Variants in EPS15 observed in about 807,000 individuals in gnomAD.
The protein encoded by EPS15 is epidermal growth factor receptor substrate 15.
In EPS15, 72 loss-of-function variants were observed where a neutral mutation model predicts 113.8. The observed-to-expected ratio is 0.63, with a 90% CI of 0.52 to 0.77. The LOEUF (loss-of-function observed/expected upper bound fraction) is 0.77. Ranked by LOEUF, EPS15 falls within the 30% of genes least tolerant of loss-of-function variation. The probability of loss-of-function intolerance (pLI) is 0.00; values close to 1 mark genes in which losing one functional copy is unlikely to be tolerated. For missense variants in EPS15, 1,048 were observed against 1,045.8 expected (o/e 1.00, Z -0.03); for synonymous variants, 344 against 363.4 (o/e 0.95, Z 0.61).
At chr1:51,397,194 G>A (rs1036456170) in intron 20 of EPS15, 8 of 152,188 alleles carry the variant, frequency 5.3e-5, no homozygotes, top group Non-Finnish European at 7.4e-5. Flanking sequence ...CTTAACCTAC[G>A]TAAACCTCAT....
At chr1:51,447,418 T>C (rs1272785072) in intron 9 of EPS15, among the ~76,000 whole-genome samples, 1 of 152,218 alleles carries the variant, frequency 6.6e-6, no homozygotes, top group Non-Finnish European at 1.5e-5. Context: ...TGAAAGTCTG[T>C]ATAAACAAAA....
intron 2 of EPS15, among the ~76,000 whole-genome samples, chr1:51,473,200 G>C (rs1449836058): frequency 6.6e-6 from 1 of 152,146 alleles, no homozygotes; most frequent in Non-Finnish European, 1.5e-5. Flanking sequence ...GAAGCTCAGA[G>C]GATTGTCAAA....
intron 1 of EPS15, among the ~76,000 whole-genome samples, chr1:51,518,121 C>T (rs1343610054): frequency 6.6e-6 from 1 of 152,076 alleles, no homozygotes. Flanking sequence ...TCTGAGGAGA[C>T]GCGGGGGAGA....
chr1:51,367,796 G>GA (rs1646540248), intron 21 of EPS15, among the ~76,000 whole-genome samples: 4 of 152,282 alleles, frequency 2.6e-5, no homozygotes, highest in African/African-American at 9.6e-5. Context: ...GGAAGGCAAG[G>GA]AAAGAACTGC....
rs748368835 is a variant in EPS15, at chr1:51,365,943, T to G, written c.2196+10A>C. On this transcript the variant is annotated intron_variant, in intron 22 of 24. Coordinates refer to ENST00000371733, the MANE Select transcript of EPS15 (RefSeq NM_001981.3). Reference sequence around the variant, plus strand: ...TATGTTTTCCCTTCCCATTAATTACTGTAGATTACCTTTGACAATGTGCTG... The same window carrying G: ...TATGTTTTCCCTTCCCATTAATTACGGTAGATTACCTTTGACAATGTGCTG... The G allele has an allele frequency of 5.1e-6, 8 of 1,574,220 alleles. No individual in the cohort carries two copies. The East Asian group carries it at 1.8e-4, about 35-fold the overall frequency.
At chr1:51,458,730 C>T in intron 8 of EPS15, 1 of 216,174 alleles carries the variant, frequency 4.6e-6, no homozygotes. Flanking sequence ...GAGTGAGACT[C>T]CGTCTAAAAA....
At position 51,445,037 on chromosome 1, in the gene EPS15, CATA is replaced by C; in HGVS notation, c.803_805del (p.Leu268del). Reference sequence around the variant, plus strand: ...AAGCTTCCCACAGTCCTTTGTGTCGCATAATGACCTGCACAAATAAACAAAATG... The same window carrying C: ...AAGCTTCCCACAGTCCTTTGTGTCGCATGACCTGCACAAATAAACAAAATG... On this transcript the variant is annotated inframe_deletion, in exon 11 of 25. Transcript: ENST00000371733. 2 of 1,612,938 alleles carry C rather than the reference CATA, an allele frequency of 1.2e-6. No homozygotes were observed. Among genetic ancestry groups the C allele is most frequent in the Non-Finnish European group, 1.7e-6 (2 of 1,179,450 alleles).
intron 24 of EPS15, among the ~76,000 whole-genome samples, chr1:51,358,253 C>T (rs545318509): frequency 1.3e-5 from 2 of 152,112 alleles, no homozygotes; most frequent in East Asian, 1.9e-4. Context: ...ATCATACCAC[C>T]GCTCTCCAGC....
intron 21 of EPS15, among the ~76,000 whole-genome samples, chr1:51,378,314 T>C (rs759937148): frequency 1.1e-4 from 17 of 152,168 alleles, no homozygotes; most frequent in South Asian, 2.1e-4. Context: ...AACTTTTATA[T>C]GTGACTTCTT....
chr1:51,371,590 T>C (rs1388438057), intron 21 of EPS15, among the ~76,000 whole-genome samples: 2 of 152,034 alleles, frequency 1.3e-5, no homozygotes, highest in African/African-American at 4.8e-5. Context: ...TACAGCTGTA[T>C]AGTGTTTTAA....
At chr1:51,411,071 A>G (rs1649675342) in intron 13 of EPS15, among the ~76,000 whole-genome samples, 1 of 152,244 alleles carries the variant, frequency 6.6e-6, no homozygotes, top group African/African-American at 2.4e-5. Flanking sequence ...CTTAACCACC[A>G]TGTGACATAC....
At chr1:51,501,238 C>T (rs528608867) in intron 1 of EPS15, among the ~76,000 whole-genome samples, 30 of 151,224 alleles carry the variant, frequency 2.0e-4, no homozygotes, top group Non-Finnish European at 3.8e-4. Flanking sequence ...GGAAACCCGT[C>T]TCCACTAAAA....
chr1:51,493,325 C>T (rs554680047), intron 1 of EPS15, among the ~76,000 whole-genome samples: 1 of 148,580 alleles, frequency 6.7e-6, no homozygotes, highest in Non-Finnish European at 1.5e-5. Flanking sequence ...CGCGCCACTG[C>T]ACTCCAGCCT....
At chr1:51,411,054 C>T (rs1649671911) in intron 13 of EPS15, among the ~76,000 whole-genome samples, 2 of 152,284 alleles carry the variant, frequency 1.3e-5, no homozygotes, top group South Asian at 4.1e-4. Context: ...ACTCCACAGC[C>T]TGAGCTCTTA....
rs577539404 is a variant in EPS15, at chr1:51,421,275, C to T, written c.1113+511G>A. Among the ~76,000 whole-genome samples, 5 of 152,262 alleles carry T rather than the reference C, an allele frequency of 3.3e-5. No individual in the cohort carries two copies. In the East Asian group the frequency reaches 9.6e-4, roughly 29 times the overall value. On this transcript the variant is annotated intron_variant, in intron 13 of 24. Coordinates refer to ENST00000371733, the MANE Select transcript of EPS15 (RefSeq NM_001981.3). ...GCCAAAGTTTAAGATATGCTGGTTA[C>T]TAAGCTACTCATAAAATGCTACTTT...
intron 2 of EPS15, 76 bp from the exon 3 acceptor site, chr1:51,473,024 C>T (rs1570379743): frequency 8.8e-7 from 1 of 1,130,220 alleles, no homozygotes. Flanking sequence ...GCCTTCCATC[C>T]CTGTGATTTG....
chr1:51,456,360 G>T (rs536953077), intron 8 of EPS15, among the ~76,000 whole-genome samples: 3 of 151,798 alleles, frequency 2.0e-5, no homozygotes, highest in Non-Finnish European at 2.9e-5. Flanking sequence ...GCAGACACGG[G>T]GTCTTTAAAA....
chr1:51,498,286 G>A (rs151338219), intron 1 of EPS15, among the ~76,000 whole-genome samples: 15 of 152,168 alleles, frequency 9.9e-5, no homozygotes, highest in East Asian at 5.8e-4. Context: ...TCTTAGGTAC[G>A]GTGCTCAGTG....
At chr1:51,472,806 A>G in intron 3 of EPS15, 53 bp downstream of exon 3, 1 of 1,327,752 alleles carries the variant, frequency 7.5e-7, no homozygotes, top group South Asian at 1.2e-5. Context: ...CAGTTCATCT[A>G]TAGTACACAT....
Sources: gnomAD v4.1 joint callset for allele counts (sites outside exome capture counted in the v4.1 genomes callset) on GRCh38, gnomAD v4.1.1 for gene constraint, MANE v1.5 for transcripts, NCBI Gene and HGNC (gene_info 2026-07-23, HGNC 2026-07-21) for gene names.